AEN: variants seen among roughly 807,000 people sequenced by gnomAD.
The protein encoded by AEN is apoptosis-enhancing nuclease.
A neutral mutation model predicts 17.7 loss-of-function variants in AEN; 21 were observed. The observed-to-expected ratio is 1.19, with a 90% CI of 0.84 to 1.71. The LOEUF (loss-of-function observed/expected upper bound fraction) is 1.71. Ranked by LOEUF, AEN falls within the 40% of genes most tolerant of loss-of-function variation. The pLI, the probability that AEN is intolerant of heterozygous loss-of-function variation, is 0.00. For missense variants in AEN, 462 were observed against 435.9 expected, an observed-to-expected ratio of 1.06 and a Z score of -0.53; for synonymous variants, 190 against 173.0, an observed-to-expected ratio of 1.10 and a Z score of -0.77.
At chr15:88,629,482 C>T in intron 3 of AEN, 56 bp downstream of exon 3, 3 of 1,579,014 alleles carry the variant, frequency 1.9e-6, no homozygotes, top group East Asian at 4.5e-5. Context: ...CTCCATGCCA[C>T]CTGAGCCACA....
In AEN at chr15:88,630,975, G is replaced by C. The variant is rs2047353151; in HGVS notation, c.*681G>C. ...AGCAGAGCCCACAGGCTTCTCGTGG[G>C]GAGTTGGCTCCTTAACATTTCTTGG... On this transcript the variant is annotated 3_prime_UTR_variant, in exon 4 of 4. Coordinates refer to ENST00000332810, the MANE Select transcript of AEN (RefSeq NM_022767.4). The surrounding 1 kb of genome is among the most constrained non-coding windows in gnomAD (Gnocchi z 5.1). The C allele has an allele frequency of 2.7e-6, 1 of 374,968 alleles. No homozygotes were observed. Among genetic ancestry groups the C allele is most frequent in the African/African-American group, 2.1e-5 (1 of 47,656 alleles). 23.2% of individuals were successfully genotyped at this position (374,968 alleles called of 1,614,324 possible). A position where few individuals can be genotyped will look rare whatever the true frequency, so the allele number is the denominator to read the frequency against.
At chr15:88,623,889 T>G (rs978215356) in intron 1 of AEN, among the ~76,000 whole-genome samples, 1 of 152,150 alleles carries the variant, frequency 6.6e-6, no homozygotes, top group Middle Eastern at 3.2e-3. Context: ...ACCCGCCTTA[T>G]GCTCTACACC....
At chr15:88,626,052 C>T (rs1339573508) in intron 1 of AEN, 94 bp from the exon 2 acceptor site, 6 of 838,168 alleles carry the variant, frequency 7.2e-6, no homozygotes, top group African/African-American at 1.7e-5. Context: ...TCTCGGGCAT[C>T]CCCACCGTGG....
chr15:88,629,174 C>T (rs2057892566), intron 2 of AEN, 52 bp from the exon 3 acceptor site: 2 of 1,587,450 alleles, frequency 1.3e-6, no homozygotes, highest in Non-Finnish European at 8.6e-7. Flanking sequence ...GTGTCTCCTG[C>T]CAACCTGATG....
Position 88,630,249 on chromosome 15 carries a change from C to T in AEN, c.933C>T (p.His311=), listed in dbSNP as rs369014614. The change falls in exon 4 of 4, where the codon CAC becomes CAT. Residue 311 remains histidine, a synonymous_variant. Transcript: ENST00000332810. The surrounding 1 kb of genome is among the most constrained non-coding windows in gnomAD (Gnocchi z 5.1). ...AGTACTGGCCCGATGACCTGGCCCA[C>T]GGCAGCAGAGGAGGAGCCAGGGAGG... ...EDQYWPDDLA[H]GSRGGAREAQ... is the part of the protein sequence containing the mutation. 3,172 of 1,598,080 alleles carry T rather than the reference C, an allele frequency of 2.0e-3. 68 individuals are homozygous for T. The South Asian group carries it at 0.032, about 16-fold the overall frequency.
rs983683548 is a variant in AEN, at chr15:88,626,699, A to G, written c.490A>G (p.Thr164Ala). The G allele has an allele frequency of 1.2e-6, 2 of 1,613,146 alleles. No individual in the cohort carries two copies. The highest frequency in any genetic ancestry group is 1.7e-6 in the Non-Finnish European group (2 of 1,180,044). Residue 164 changes from threonine to alanine, a missense_variant, in exon 2 of 4, where the codon ACT (threonine) becomes GCT (alanine). Physicochemically the swap from Thr to Ala is moderately conservative, Grantham distance 58 (BLOSUM62 0). Transcript: ENST00000332810. ...ADYRTRWSGITRQHMRKAVPF... is the reference protein window; with the variant it reads ...ADYRTRWSGIARQHMRKAVPF... ...CTACCGTACCCGCTGGAGTGGCATC[A>G]CTCGGCAGCACATGCGCAAGGCTGT... is the stretch of plus-strand genomic sequence containing the variant.
At position 88,629,140 on chromosome 15, in the gene AEN, C is replaced by G. The variant is rs2057892081; in HGVS notation, c.541-86C>G. 5 of 1,326,476 alleles carry G rather than the reference C, an allele frequency of 3.8e-6. No homozygotes were observed. The Admixed American group carries it at 8.7e-5, about 23-fold the overall frequency. 82.2% of individuals were successfully genotyped at this position (1,326,476 alleles called of 1,614,324 possible). ...CCTCCCCCCACAGGGATCCATGCAT[C>G]TATTGGCCAGGGGTTCTCAGGGCGT... On this transcript the variant is annotated intron_variant, in intron 2 of 3. Coordinates refer to ENST00000332810, the MANE Select transcript of AEN (RefSeq NM_022767.4).
intron 3 of AEN, 32 bp downstream of exon 3, chr15:88,629,458 G>A (rs774514786): frequency 6.2e-7 from 1 of 1,605,616 alleles, no homozygotes; most frequent in Non-Finnish European, 8.5e-7. Flanking sequence ...GGAAGGGAGG[G>A]AGGCCCGCCT....
At position 88,632,110 on chromosome 15, in the gene AEN, T is replaced by A. The variant is rs1483725207; in HGVS notation, c.*1816T>A. 6.6e-6 allele frequency: 1 copy of A among 152,238 alleles called. No individual in the cohort carries two copies. The highest frequency in any genetic ancestry group is 1.5e-5 in the Non-Finnish European group (1 of 68,044). The allele number at this position is 152,238 out of a possible 1,614,324, so 9.4% of individuals were successfully genotyped here. Reference sequence around the variant, plus strand: ...CTGGCCTGGCTCCAGAACTTTGTTCTAGATTCCTTAAAAGTCGGTAGCTGA... The same window carrying A: ...CTGGCCTGGCTCCAGAACTTTGTTCAAGATTCCTTAAAAGTCGGTAGCTGA... On this transcript the variant is annotated 3_prime_UTR_variant, in exon 4 of 4. Coordinates refer to ENST00000332810, the MANE Select transcript of AEN (RefSeq NM_022767.4).
At chr15:88,617,544 C>T (rs889387135), upstream of AEN, among the ~76,000 whole-genome samples, 1 of 152,202 alleles carries the variant, frequency 6.6e-6, no homozygotes, top group South Asian at 2.1e-4. Flanking sequence ...TGAGCCACAG[C>T]GCCCGGCCTT....
At chr15:88,607,298 CCT>C in the AEN span, among the ~76,000 whole-genome samples, 2 of 152,230 alleles carry the variant, frequency 1.3e-5, no homozygotes, top group African/African-American at 4.8e-5. Flanking sequence ...AGCTTCTAAT[CCT>C]CTGAGTTTTT....
At chr15:88,618,141 CAG>C (rs1375423607), upstream of AEN, among the ~76,000 whole-genome samples, 1 of 152,148 alleles carries the variant, frequency 6.6e-6, no homozygotes, top group Non-Finnish European at 1.5e-5. Context: ...TCCCTGTTTA[CAG>C]AGTCTTACCA....
chr15:88,626,804 C>T (rs1416005529), intron 2 of AEN, 55 bp downstream of exon 2: 5 of 1,545,010 alleles, frequency 3.2e-6, no homozygotes, highest in Middle Eastern at 1.7e-4. Flanking sequence ...GAAAGAGCCA[C>T]CCTGGGTTTG....
chr15:88,630,890 A>G lies in AEN; in HGVS notation c.*596A>G, dbSNP rs562842750. 7.4e-4 allele frequency: 219 copies of G among 294,034 alleles called. No individual in the cohort carries two copies. Among genetic ancestry groups the G allele is most frequent in the Non-Finnish European group, 1.4e-3 (193 of 142,366 alleles). The allele number at this position is 294,034 out of a possible 1,614,324, so 18.2% of individuals were successfully genotyped here. Reference sequence around the variant, plus strand: ...ACCTCCCTGACCTGGAACTCTGGCTACAGCCATTGTAGGAACTCCGTGCCT... The same window carrying G: ...ACCTCCCTGACCTGGAACTCTGGCTGCAGCCATTGTAGGAACTCCGTGCCT... On this transcript the variant is annotated 3_prime_UTR_variant, in exon 4 of 4. Coordinates refer to ENST00000332810, the MANE Select transcript of AEN (RefSeq NM_022767.4). The surrounding 1 kb of genome is among the most constrained non-coding windows in gnomAD (Gnocchi z 5.1).
At chr15:88,620,228 C>A (rs2057770953), upstream of AEN, among the ~76,000 whole-genome samples, 1 of 152,020 alleles carries the variant, frequency 6.6e-6, no homozygotes, top group Non-Finnish European at 1.5e-5. Context: ...TCTTTGGATT[C>A]TAGGTGTTTC....
chr15:88,608,183 C>G, the AEN span: 2 of 530,306 alleles, frequency 3.8e-6, no homozygotes. Flanking sequence ...GCCATTTATC[C>G]TTTTCTGACT....
chr15:88,611,976 C>A, the AEN span: 1 of 450,756 alleles, frequency 2.2e-6, no homozygotes, highest in African/African-American at 2.1e-5. Context: ...TTTTGGCTAT[C>A]CTTCCACGTG....
chr15:88,619,335 C>T (rs2141363784), upstream of AEN, among the ~76,000 whole-genome samples: 1 of 152,268 alleles, frequency 6.6e-6, no homozygotes, highest in South Asian at 2.1e-4. Flanking sequence ...ACCCCAAAGA[C>T]CCCAGGCATA....
At chr15:88,611,804 C>T in the AEN span, 56 of 482,968 alleles carry the variant, frequency 1.2e-4, no homozygotes, top group South Asian at 6.8e-4. Context: ...GGGTGGTCCT[C>T]GAACGCCTTG....
Sources: allele counts gnomAD v4.1 joint callset (sites outside exome capture counted in the v4.1 genomes callset), GRCh38; gene constraint gnomAD v4.1.1; non-coding constraint Gnocchi (gnomAD v3.1); transcripts MANE v1.5; gene names NCBI Gene and HGNC (gene_info 2026-07-23, HGNC 2026-07-21).